Variants in MED17 observed in about 807,000 individuals in gnomAD.
MED17 encodes the protein mediator complex subunit 17.
In MED17, 49 loss-of-function variants were observed where a neutral mutation model predicts 80.8. That is an observed-to-expected ratio of 0.61 (90% confidence interval 0.48 to 0.77). MED17 has a LOEUF of 0.77. MED17 is among the 30% of genes least tolerant of loss of function. MED17 has a pLI of 0.00. For missense variants in MED17, 718 were observed against 787.0 expected (o/e 0.91, Z 1.05); for synonymous variants, 281 against 280.4 (o/e 1.00, Z -0.02).
intron 3 of MED17, among the ~76,000 whole-genome samples, chr11:93,792,074 C>T (rs1005024455): frequency 3.0e-4 from 15 of 49,824 alleles, no homozygotes; most frequent in Non-Finnish European, 1.0e-3. Flanking sequence ...GCTGCTGAGG[C>T]AGTCAGCGGG....
At chr11:93,803,287 G>T (rs527991572) in intron 9 of MED17, among the ~76,000 whole-genome samples, 1 of 152,210 alleles carries the variant, frequency 6.6e-6, no homozygotes, top group East Asian at 1.9e-4. Context: ...CCTATGTACA[G>T]TCATTTCCAA....
In MED17 at chr11:93,793,939, G is replaced by A. The variant is rs371000976; in HGVS notation, c.775-12G>A. ...TAATTTGTTAACTTTTTTTGTTTTT[G>A]TTGTCATATAGGTTTCAATACAAAA... On this transcript the variant is annotated splice_polypyrimidine_tract_variant and intron_variant, in intron 4 of 11. Coordinates refer to ENST00000251871, the MANE Select transcript of MED17 (RefSeq NM_004268.5). 271 of 1,613,558 alleles carry A rather than the reference G, an allele frequency of 1.7e-4. No individual in the cohort carries two copies. The highest frequency in any genetic ancestry group is 5.8e-5 in the Non-Finnish European group (69 of 1,179,784).
At chr11:93,799,014 T>C (rs1409535546) in intron 8 of MED17, among the ~76,000 whole-genome samples, 2 of 152,086 alleles carry the variant, frequency 1.3e-5, no homozygotes, top group Non-Finnish European at 2.9e-5. Context: ...TTTTACTTCT[T>C]CCTGGTGTAC....
chr11:93,809,795 G>A lies in MED17; in HGVS notation c.1663G>A (p.Val555Met). The change falls in exon 11 of 12, where the codon GTG becomes ATG. Residue 555 changes from valine (V) to methionine (M), a missense_variant. Coordinates refer to ENST00000251871, the MANE Select transcript of MED17 (RefSeq NM_004268.5). The stretch of plus-strand genomic sequence containing the variant: ...GCAAGTACTGAGCTTCAGTAATCAT[G>A]TGGGACTTGGACCTATAGAGAGCAT... ...GWQVLSFSNH[V>M]GLGPIESIGN... The A allele has an allele frequency of 6.2e-7, 1 of 1,614,218 alleles. No individual in the cohort carries two copies. The highest frequency in any genetic ancestry group is 8.5e-7 in the Non-Finnish European group (1 of 1,180,052).
intron 3 of MED17, chr11:93,793,474 G>C: frequency 2.6e-6 from 1 of 386,766 alleles, no homozygotes; most frequent in Non-Finnish European, 4.7e-6. Context: ...TGGATTTTCT[G>C]TGGAATTCTT....
At chr11:93,809,953 G>A (rs991390972) in intron 11 of MED17, 77 bp downstream of exon 11, 8 of 1,412,812 alleles carry the variant, frequency 5.7e-6, no homozygotes, top group Non-Finnish European at 8.0e-6. Flanking sequence ...ATTAAATATG[G>A]GTAAGAGTAA....
At chr11:93,794,424 G>T in intron 5 of MED17, 1 of 251,308 alleles carries the variant, frequency 4.0e-6, no homozygotes, top group Non-Finnish European at 7.7e-6. Flanking sequence ...GGCTGGTCTC[G>T]AACACCCAAC....
chr11:93,799,271 G>A (rs993649624), intron 8 of MED17, among the ~76,000 whole-genome samples: 5 of 151,094 alleles, frequency 3.3e-5, no homozygotes, highest in African/African-American at 1.2e-4. Flanking sequence ...TGCCTCTCGG[G>A]TTCAAGCGAT....
Position 93,793,804 on chromosome 11 carries a change from A to C in MED17, c.714A>C (p.Glu238Asp), listed in dbSNP as rs757119029. The C allele has an allele frequency of 1.2e-6, 2 of 1,607,598 alleles. No individual in the cohort carries two copies. The highest frequency in any genetic ancestry group is 4.5e-5 in the East Asian group (2 of 44,808). The change falls in exon 4 of 12, where the codon GAA becomes GAC. Residue 238 changes from glutamate (E) to aspartate (D), a missense_variant. By Grantham distance (45) the Glu-to-Asp change is conservative. Transcript: ENST00000251871. ...TDLDLDKKIP[E>D]DYCPLDVQIP... ...TCGATCTGGATAAAAAGATACCTGA[A>C]GATTACTGTCCTCTTGATGTCCAAA...
intron 2 of MED17, chr11:93,788,581 T>A (rs1943796814): frequency 6.1e-6 from 1 of 163,994 alleles, no homozygotes; most frequent in Admixed American, 6.2e-5. Flanking sequence ...CTCAGAAGGC[T>A]GAGGCAGGAG....
In MED17 at chr11:93,797,614, C is replaced by G. The variant is rs140719424; in HGVS notation, c.1223C>G (p.Ser408Trp). ...APFGHKRMRLSGPQAFDKNEI... is the reference protein window; with the variant it reads ...APFGHKRMRLWGPQAFDKNEI... ...TTTGGCCACAAGAGAATGAGACTTT[C>G]GGGTCCTCAAGCTTTTGATAAAAAT... The change falls in exon 8 of 12, where the codon TCG (serine) becomes TGG (tryptophan). Residue 408 changes from serine (S) to tryptophan (W), a missense_variant. Coordinates refer to ENST00000251871, the MANE Select transcript of MED17 (RefSeq NM_004268.5). The G allele has an allele frequency of 5.6e-6, 9 of 1,613,858 alleles. No homozygotes were observed. In the African/African-American group the frequency reaches 1.1e-4, roughly 19 times the overall value.
chr11:93,793,584 C>G (rs200786699), intron 3 of MED17, 144 bp from the exon 4 acceptor site: 48 of 649,738 alleles, frequency 7.4e-5, no homozygotes, highest in East Asian at 6.6e-4. Context: ...CATTCCTCAC[C>G]CTTTTCCCCC....
In MED17 at chr11:93,809,888, T is replaced by C. The variant is rs1484808620; in HGVS notation, c.1744+12T>C. 3.1e-6 allele frequency: 5 copies of C among 1,614,060 alleles called. No homozygotes were observed. Among genetic ancestry groups the C allele is most frequent in the Non-Finnish European group, 4.2e-6 (5 of 1,179,990 alleles). Reference sequence around the variant, plus strand: ...CTATGCTATTTCAGGTACTTTCTGCTGCTTTGAATGAGAAGGGACCATTGG... The same window carrying C: ...CTATGCTATTTCAGGTACTTTCTGCCGCTTTGAATGAGAAGGGACCATTGG... On this transcript the variant is annotated intron_variant, in intron 11 of 11. Transcript: ENST00000251871.
At chr11:93,804,745 A>G (rs752272037) in intron 9 of MED17, among the ~76,000 whole-genome samples, 4 of 152,192 alleles carry the variant, frequency 2.6e-5, no homozygotes, top group African/African-American at 9.7e-5. Flanking sequence ...TATATTCCCT[A>G]TGTTGTATAA....
chr11:93,797,263 T>A (rs529582533), intron 7 of MED17: 1 of 407,980 alleles, frequency 2.5e-6, no homozygotes, highest in South Asian at 3.0e-5. Context: ...TATGCATGAG[T>A]TGTGACTCCC....
At chr11:93,784,952 T>C in intron 1 of MED17, 189 bp downstream of exon 1, 1 of 786,360 alleles carries the variant, frequency 1.3e-6, no homozygotes, top group South Asian at 1.8e-5. Flanking sequence ...CGACTTTACG[T>C]AATACTCCTG....
rs1209136810 is a variant in MED17, at chr11:93,812,432, A to G, written c.*368A>G. Reference sequence around the variant, plus strand: ...CTCCAAATACCTTTTTTTCCCCCCAAATACTTTCTAAACTTTTTTTTTTTG... The same window carrying G: ...CTCCAAATACCTTTTTTTCCCCCCAGATACTTTCTAAACTTTTTTTTTTTG... On this transcript the variant is annotated 3_prime_UTR_variant, in exon 12 of 12. Coordinates refer to ENST00000251871, the MANE Select transcript of MED17 (RefSeq NM_004268.5). 4.4e-6 allele frequency: 2 copies of G among 458,796 alleles called. No homozygotes were observed. The highest frequency in any genetic ancestry group is 3.6e-5 in the East Asian group (1 of 27,638). 28.4% of individuals were successfully genotyped at this position (458,796 alleles called of 1,614,324 possible).
At chr11:93,799,483 CT>C (rs915918804) in intron 8 of MED17, among the ~76,000 whole-genome samples, 2 of 152,024 alleles carry the variant, frequency 1.3e-5, no homozygotes, top group Non-Finnish European at 2.9e-5. Flanking sequence ...GCCAGGAAGC[CT>C]TTTTAAAAAA....
intron 10 of MED17, chr11:93,809,226 C>T (rs148502901): frequency 3.8e-6 from 1 of 261,034 alleles, no homozygotes; most frequent in East Asian, 9.4e-5. Context: ...ATACAACCAG[C>T]CTAGACAACC....
Sources: gnomAD v4.1 joint callset for allele counts (sites outside exome capture counted in the v4.1 genomes callset) on GRCh38, gnomAD v4.1.1 for gene constraint, MANE v1.5 for transcripts, NCBI Gene and HGNC (gene_info 2026-07-23, HGNC 2026-07-21) for gene names.